The following WNT11 variants were observed in gnomAD, a reference collection of about 807,000 sequenced individuals.
The protein encoded by WNT11 is Wnt family member 11.
A neutral mutation model predicts 35.6 loss-of-function variants in WNT11; 20 were observed. That is an observed-to-expected ratio of 0.56 (90% confidence interval 0.40 to 0.82). The LOEUF is 0.82. Ranked by LOEUF, WNT11 falls within the 40% of genes least tolerant of loss-of-function variation. WNT11 has a pLI of 0.00. For missense variants in WNT11, 459 were observed against 504.4 expected, an observed-to-expected ratio of 0.91 and a Z score of 0.86; for synonymous variants, 200 against 211.9, an observed-to-expected ratio of 0.94 and a Z score of 0.49.
At chr11:76,204,094 C>T (rs528779482) in intron 1 of WNT11, among the ~76,000 whole-genome samples, 2 of 152,314 alleles carry the variant, frequency 1.3e-5, no homozygotes, top group South Asian at 4.1e-4. Context: ...CTTAGAACGG[C>T]ACCTAGCACA....
intron 2 of WNT11, among the ~76,000 whole-genome samples, 169 bp downstream of exon 2, chr11:76,196,314 T>C (rs1209517557): frequency 6.6e-6 from 1 of 152,172 alleles, no homozygotes; most frequent in African/African-American, 2.4e-5. Context: ...TTATGATTAA[T>C]TCATCCACCC....
At chr11:76,196,162 G>A (rs543877849) in intron 2 of WNT11, among the ~76,000 whole-genome samples, 6 of 152,324 alleles carry the variant, frequency 3.9e-5, no homozygotes, top group Non-Finnish European at 8.8e-5. Flanking sequence ...GTGGCCTCAC[G>A]TACAGCAGGC....
intron 1 of WNT11, among the ~76,000 whole-genome samples, chr11:76,204,466 CT>C (rs1953438758): frequency 6.6e-6 from 1 of 152,196 alleles, no homozygotes. Flanking sequence ...AGGACGCCTG[CT>C]TTGCACTCCG....
Position 76,187,228 on chromosome 11 carries a change from T to G in WNT11, c.902A>C (p.Lys301Thr). Residue 301 changes from lysine (K) to threonine (T), a missense_variant, in exon 5 of 5, where the codon AAG becomes ACG. Coordinates refer to ENST00000322563, the MANE Select transcript of WNT11 (RefSeq NM_004626.3). ...SHGTQDRQCN[K>T]TSNGSDSCDL... is the part of the protein sequence containing the mutation. ...GCAGCTGTCGCTTCCGTTGGATGTCTTGTTGCACTGCCTATTGTGGGGGCA... is the reference window on the plus strand; with the variant it reads ...GCAGCTGTCGCTTCCGTTGGATGTCGTGTTGCACTGCCTATTGTGGGGGCA... 6.2e-7 allele frequency: 1 copy of G among 1,602,808 alleles called. No individual in the cohort carries two copies. The highest frequency in any genetic ancestry group is 8.5e-7 in the Non-Finnish European group (1 of 1,179,854).
At chr11:76,193,638 C>G (rs1404971741) in intron 3 of WNT11, among the ~76,000 whole-genome samples, 2 of 152,228 alleles carry the variant, frequency 1.3e-5, no homozygotes, top group Admixed American at 6.5e-5. Context: ...AAGGAAGACC[C>G]TTGAGAACAG....
upstream of WNT11, chr11:76,210,562 G>T: frequency 2.0e-6 from 2 of 985,262 alleles, no homozygotes; most frequent in Non-Finnish European, 2.4e-6. Context: ...GGGCCCGTGC[G>T]CACTCCGGCT....
rs1953239873 is a variant in WNT11 at position 76,194,520 on chromosome 11, A to G, written c.597+47T>C. Reference sequence around the variant, plus strand: ...CAAGCTGGGTGGCCCTTTTCTGGCCAATGGCACAAGCACAACTATCTGGGG... The same window carrying G: ...CAAGCTGGGTGGCCCTTTTCTGGCCGATGGCACAAGCACAACTATCTGGGG... On this transcript the variant is annotated intron_variant, in intron 3 of 4. Transcript: ENST00000322563. This position sits in a 1 kb window ranked among gnomAD's most constrained non-coding sequence, Gnocchi z 5.4. 2 of 1,488,110 alleles carry G rather than the reference A, an allele frequency of 1.3e-6. No homozygotes were observed. The highest frequency in any genetic ancestry group is 1.4e-5 in the African/African-American group (1 of 69,908). The allele number at this position is 1,488,110 out of a possible 1,614,324, so 92.2% of individuals were successfully genotyped here.
upstream of WNT11, chr11:76,206,580 G>T: frequency 1.7e-6 from 2 of 1,192,462 alleles, no homozygotes; most frequent in Non-Finnish European, 2.1e-6. Context: ...CAAAGGAGGG[G>T]TCGGGGCCCG....
rs1953477551 is a variant in WNT11, at chr11:76,206,494, G to A, written c.-87C>T. ...TGCACGGCCGCCGCTGGTCCTGCAC[G>A]CCGCCTGCAGCCGGGGAGAGCGGAG... On this transcript the variant is annotated 5_prime_UTR_variant, in exon 1 of 5. Transcript: ENST00000322563. The A allele has an allele frequency of 2.4e-6, 3 of 1,258,842 alleles. No individual in the cohort carries two copies. The highest frequency in any genetic ancestry group is 4.3e-5 in the Admixed American group (1 of 23,422). 78.0% of individuals were successfully genotyped at this position (1,258,842 alleles called of 1,614,324 possible).
chr11:76,195,918 C>T (rs1027820383), intron 2 of WNT11, among the ~76,000 whole-genome samples: 23 of 152,302 alleles, frequency 1.5e-4, no homozygotes, highest in African/African-American at 4.8e-4. Context: ...CCTACTGGGG[C>T]GCTTCTGTCT....
rs750134045 is a variant in WNT11, at chr11:76,187,086, C to G, written c.1044G>C (p.Val348=). ...GGCCTCACTTGCAGACATAGCGCTCCACGGTACGCTCACACCTGCGGCAGG... is the reference window on the plus strand; with the variant it reads ...GGCCTCACTTGCAGACATAGCGCTCGACGGTACGCTCACACCTGCGGCAGG... ...YVTCRRCERT[V]ERYVCK The change falls in exon 5 of 5, where the codon GTG becomes GTC. Residue 348 remains valine (V), a synonymous_variant. Transcript: ENST00000322563. 5.6e-6 allele frequency: 9 copies of G among 1,611,364 alleles called. No individual in the cohort carries two copies. The highest frequency in any genetic ancestry group is 1.7e-5 in the Admixed American group (1 of 60,012).
chr11:76,188,314 A>G (rs992819672), intron 4 of WNT11, among the ~76,000 whole-genome samples: 2 of 152,264 alleles, frequency 1.3e-5, no homozygotes, highest in African/African-American at 2.4e-5. Flanking sequence ...CTTGGGGACT[A>G]AAACTAAGGC....
upstream of WNT11, among the ~76,000 whole-genome samples, chr11:76,209,383 A>G (rs918517505): frequency 1.2e-3 from 77 of 63,018 alleles, no homozygotes; most frequent in Admixed American, 5.6e-3. Context: ...GGCCGCTGGG[A>G]CCAGGCCACG....
At chr11:76,208,402 A>T (rs577059454), upstream of WNT11, among the ~76,000 whole-genome samples, 19 of 152,246 alleles carry the variant, frequency 1.2e-4, no homozygotes, top group Non-Finnish European at 2.5e-4. Context: ...TGGGGGTCTC[A>T]GAGGGGTTCT....
Position 76,194,866 on chromosome 11 carries a change from C to A in WNT11, c.320-22G>T. On this transcript the variant is annotated intron_variant, in intron 2 of 4. Transcript: ENST00000322563. The surrounding 1 kb of genome is among the most constrained non-coding windows in gnomAD (Gnocchi z 5.4). ...GTCCCTGAGGGTGGGAGGGGAAGGTCAGCCGACGCTGATCCAGGGCTAGGA... is the reference window on the plus strand; with the variant it reads ...GTCCCTGAGGGTGGGAGGGGAAGGTAAGCCGACGCTGATCCAGGGCTAGGA... The A allele has an allele frequency of 6.8e-7, 1 of 1,478,718 alleles. No individual in the cohort carries two copies. The highest frequency in any genetic ancestry group is 8.9e-7 in the Non-Finnish European group (1 of 1,120,286). 91.6% of individuals were successfully genotyped at this position (1,478,718 alleles called of 1,614,324 possible). A position where few individuals can be genotyped will look rare whatever the true frequency, so the allele number is the denominator to read the frequency against.
At chr11:76,198,668 A>G (rs1174233267) in intron 1 of WNT11, among the ~76,000 whole-genome samples, 1 of 152,182 alleles carries the variant, frequency 6.6e-6, no homozygotes, top group African/African-American at 2.4e-5. Context: ...CCTTTCCTCA[A>G]GGATGCCCTA....
In WNT11 at chr11:76,195,223, C is replaced by T. The variant is rs528968457; in HGVS notation, c.320-379G>A. Among the ~76,000 whole-genome samples, 9 of 152,324 alleles carry T rather than the reference C, an allele frequency of 5.9e-5. No individual in the cohort carries two copies. In the South Asian group the frequency reaches 6.2e-4, roughly 11 times the overall value. On this transcript the variant is annotated intron_variant, in intron 2 of 4. Transcript: ENST00000322563. Reference sequence around the variant, plus strand: ...TGCTATGCGTGGACCTGTGTCCCCCCGAAGGATGTGTTCAAGTCCTGACCC... The same window carrying T: ...TGCTATGCGTGGACCTGTGTCCCCCTGAAGGATGTGTTCAAGTCCTGACCC...
chr11:76,191,467 T>C (rs2134570207), intron 4 of WNT11, 97 bp downstream of exon 4: 2 of 1,377,858 alleles, frequency 1.5e-6, no homozygotes, highest in Non-Finnish European at 1.0e-6. Flanking sequence ...ATTCCCCACA[T>C]GCCACCTGAG....
chr11:76,210,539 T>C, upstream of WNT11: 1 of 984,818 alleles, frequency 1.0e-6, no homozygotes, highest in Non-Finnish European at 1.2e-6. Flanking sequence ...GAGCGGCGAG[T>C]GCGGTTTCCA....
Sources: allele counts gnomAD v4.1 joint callset (sites outside exome capture counted in the v4.1 genomes callset), GRCh38; gene constraint gnomAD v4.1.1; non-coding constraint Gnocchi (gnomAD v3.1); transcripts MANE v1.5; gene names NCBI Gene and HGNC (gene_info 2026-07-23, HGNC 2026-07-21).